The following ATP6V1H variants were observed in gnomAD, a reference collection of about 807,000 sequenced individuals.
ATP6V1H encodes the protein V-type proton ATPase subunit H.
ATP6V1H carries 39 observed loss-of-function variants against 71.7 expected under a neutral mutation model. That is an observed-to-expected ratio of 0.54 (90% CI 0.42 to 0.71). ATP6V1H has a LOEUF of 0.71. Among genes scored for constraint, ATP6V1H ranks in the 30% least tolerant of loss-of-function variants. ATP6V1H has a pLI of 0.00. For missense variants in ATP6V1H, 509 were observed against 594.9 expected (o/e 0.86, Z 1.50); for synonymous variants, 192 against 199.3 (o/e 0.96, Z 0.31).
intron 9 of ATP6V1H, among the ~76,000 whole-genome samples, chr8:53,792,670 A>C (rs1294648165): frequency 1.3e-5 from 2 of 152,258 alleles, no homozygotes; most frequent in Non-Finnish European, 2.9e-5. Flanking sequence ...GATCTCAGTG[A>C]AATTCCAATC....
At position 53,802,143 on chromosome 8, in the gene ATP6V1H, C is replaced by T. The variant is rs184753618; in HGVS notation, c.580-247G>A. ...AGACTACTTAACACACAGGGAAATC[C>T]GGAACAAAATAATTTATATTTGATA... On this transcript the variant is annotated intron_variant, in intron 7 of 13. Coordinates refer to ENST00000359530, the MANE Select transcript of ATP6V1H (RefSeq NM_015941.4). Among the ~76,000 whole-genome samples, 745 of 152,190 alleles carry T rather than the reference C, an allele frequency of 4.9e-3. 8 individuals are homozygous for T. Among genetic ancestry groups the T allele is most frequent in the African/African-American group, 0.016 (684 of 41,516 alleles).
intron 9 of ATP6V1H, among the ~76,000 whole-genome samples, chr8:53,794,789 C>G (rs142834886): frequency 6.6e-6 from 1 of 152,182 alleles, no homozygotes; most frequent in Non-Finnish European, 1.5e-5. Context: ...GTGACCTCTA[C>G]GCCTCAGTAT....
At chr8:53,771,454 G>A (rs1808646237) in intron 10 of ATP6V1H, among the ~76,000 whole-genome samples, 1 of 152,160 alleles carries the variant, frequency 6.6e-6, no homozygotes, top group African/African-American at 2.4e-5. Context: ...GGGTTAGAAG[G>A]CTTTTTGGAA....
At chr8:53,830,820 G>C (rs1030527117) in intron 3 of ATP6V1H, among the ~76,000 whole-genome samples, 2 of 152,172 alleles carry the variant, frequency 1.3e-5, no homozygotes, top group Non-Finnish European at 2.9e-5. Context: ...CACATCCCCA[G>C]TCTCACCAGG....
At chr8:53,839,419 CCCT>C (rs1264375953) in intron 2 of ATP6V1H, among the ~76,000 whole-genome samples, 1 of 152,080 alleles carries the variant, frequency 6.6e-6, no homozygotes, top group Non-Finnish European at 1.5e-5. Context: ...AGCAAGTCTC[CCCT>C]CCTCCTGTCC....
At position 53,801,832 on chromosome 8, in the gene ATP6V1H, C is replaced by A. The variant is rs146380497; in HGVS notation, c.644G>T (p.Arg215Leu). ...CCCATCTGCTTCCACCCAAGCAAAGCGGTACTCATTGACCCGGAGCATCAG... is the reference window on the plus strand; with the variant it reads ...CCCATCTGCTTCCACCCAAGCAAAGAGGTACTCATTGACCCGGAGCATCAG... ...LQLMLRVNEY[R>L]FAWVEADGVN... is the part of the protein sequence containing the mutation. Residue 215 changes from arginine (R) to leucine (L), a missense_variant, in exon 8 of 14, where the codon CGC becomes CTC. Around this residue, in one of 2 missense-constraint regions of ATP6V1H, gnomAD observed 297 missense variants for 303.3 expected, o/e 0.98. Transcript: ENST00000359530. The A allele has an allele frequency of 2.5e-6, 4 of 1,613,986 alleles. No individual in the cohort carries two copies. Among genetic ancestry groups the A allele is most frequent in the Non-Finnish European group, 3.4e-6 (4 of 1,179,966 alleles).
rs567082645 is a variant in ATP6V1H, at chr8:53,808,159, C to T, written c.579+3005G>A. On this transcript the variant is annotated intron_variant, in intron 7 of 13. Transcript: ENST00000359530. ...GCTCTCTCATGAATCGTTCTCTTGCCTATGCGTACTGTAAAAATGAAGCTA... is the reference window on the plus strand; with the variant it reads ...GCTCTCTCATGAATCGTTCTCTTGCTTATGCGTACTGTAAAAATGAAGCTA... Among the ~76,000 whole-genome samples, 3 of 152,302 alleles carry T rather than the reference C, an allele frequency of 2.0e-5. No individual in the cohort carries two copies. The South Asian group carries it at 6.2e-4, about 32-fold the overall frequency.
intron 9 of ATP6V1H, among the ~76,000 whole-genome samples, chr8:53,788,821 G>T (rs1809468442): frequency 6.6e-6 from 1 of 152,122 alleles, no homozygotes; most frequent in Admixed American, 6.5e-5. Flanking sequence ...TTCCATAAAG[G>T]TACATAATTA....
At chr8:53,743,151 G>C (rs1807474401) in intron 13 of ATP6V1H, among the ~76,000 whole-genome samples, 1 of 152,224 alleles carries the variant, frequency 6.6e-6, no homozygotes, top group African/African-American at 2.4e-5. Context: ...AAATGTGAGA[G>C]CTGAATCTAA....
intron 13 of ATP6V1H, among the ~76,000 whole-genome samples, chr8:53,726,257 C>T (rs1341301927): frequency 2.0e-5 from 3 of 152,132 alleles, no homozygotes; most frequent in Non-Finnish European, 4.4e-5. Flanking sequence ...TCTCATTTAA[C>T]ATGACATAAT....
intron 4 of ATP6V1H, among the ~76,000 whole-genome samples, chr8:53,829,155 C>T (rs895953868): frequency 6.6e-6 from 1 of 152,132 alleles, no homozygotes; most frequent in Non-Finnish European, 1.5e-5. Context: ...TCCAGAAAGC[C>T]TCAGGTGATA....
chr8:53,840,175 C>G (rs568956903), intron 2 of ATP6V1H, among the ~76,000 whole-genome samples: 2 of 152,240 alleles, frequency 1.3e-5, no homozygotes, highest in South Asian at 4.1e-4. Context: ...CTGCCAGACC[C>G]TGTGCATCTT....
intron 2 of ATP6V1H, among the ~76,000 whole-genome samples, chr8:53,840,657 A>G (rs1340925535): frequency 6.6e-6 from 1 of 152,310 alleles, no homozygotes. Flanking sequence ...TAAATGTTTG[A>G]TGAGTGATTA....
intron 12 of ATP6V1H, among the ~76,000 whole-genome samples, chr8:53,753,391 G>A (rs1264935059): frequency 1.3e-5 from 2 of 152,184 alleles, no homozygotes; most frequent in East Asian, 3.8e-4. Flanking sequence ...TGATGGGAGA[G>A]ATCATTCTTC....
intron 6 of ATP6V1H, among the ~76,000 whole-genome samples, chr8:53,812,091 T>A (rs1029215498): frequency 6.6e-6 from 1 of 152,142 alleles, no homozygotes; most frequent in African/African-American, 2.4e-5. Flanking sequence ...ATTGTTACTT[T>A]TTAAAACGAA....
intron 13 of ATP6V1H, among the ~76,000 whole-genome samples, chr8:53,731,613 G>T (rs1807027298): frequency 6.6e-6 from 1 of 151,930 alleles, no homozygotes; most frequent in Non-Finnish European, 1.5e-5. Context: ...GCCCTTAAAA[G>T]GGCAGGCATT....
At chr8:53,817,295 T>A (rs1810482348) in intron 5 of ATP6V1H, 122 bp downstream of exon 5, 2 of 548,484 alleles carry the variant, frequency 3.6e-6, no homozygotes, top group Non-Finnish European at 6.2e-6. Context: ...CCCAGCACTT[T>A]GGGAGGCCAA....
intron 12 of ATP6V1H, among the ~76,000 whole-genome samples, chr8:53,749,795 G>A (rs1807732309): frequency 6.6e-6 from 1 of 151,184 alleles, no homozygotes; most frequent in Non-Finnish European, 1.5e-5. Context: ...GAGTCTGATA[G>A]AGCTTTGATA....
intron 12 of ATP6V1H, among the ~76,000 whole-genome samples, chr8:53,755,713 T>C (rs1326559635): frequency 1.3e-3 from 8 of 6,120 alleles, no homozygotes; most frequent in Non-Finnish European, 2.8e-3. Flanking sequence ...TATATATATA[T>C]ATATATATAT....
Sources: gnomAD v4.1 joint callset for allele counts (sites outside exome capture counted in the v4.1 genomes callset) on GRCh38, gnomAD v4.1.1 for gene constraint, gnomAD v4.1.1 regional missense constraint, MANE v1.5 for transcripts, NCBI Gene and HGNC (gene_info 2026-07-23, HGNC 2026-07-21) for gene names.